Variants in FBXO32 observed in about 807,000 individuals in gnomAD.
FBXO32 encodes F-box protein 32, also known as F-box only protein 32.
FBXO32 carries 15 observed loss-of-function variants against 48.3 expected under a neutral mutation model. The ratio of observed to expected loss-of-function variants is 0.31; its 90% CI spans 0.21 to 0.48. The LOEUF is 0.48. Among genes scored for constraint, FBXO32 ranks in the 20% least tolerant of loss-of-function variants. FBXO32 has a pLI of 0.99. For synonymous variants in FBXO32, 154 were observed against 165.9 expected, an observed-to-expected ratio of 0.93 and a Z score of 0.55; for missense variants, 309 against 432.7, an observed-to-expected ratio of 0.71 and a Z score of 2.54.
chr8:123,530,055 A>T (rs941721711), intron 4 of FBXO32, among the ~76,000 whole-genome samples: 3 of 152,178 alleles, frequency 2.0e-5, no homozygotes, highest in African/African-American at 7.2e-5. Context: ...GGACTAGGTG[A>T]CCTCCGTGAA....
chr8:123,514,209 A>C (rs749519827), intron 5 of FBXO32, 31 bp downstream of exon 5: 5 of 1,569,224 alleles, frequency 3.2e-6, no homozygotes, highest in Non-Finnish European at 4.4e-6. Context: ...CATGCCTATA[A>C]AAAGGGGCGA....
In FBXO32 at chr8:123,524,029, A is replaced by C. The variant is rs73330081; in HGVS notation, c.372+7869T>G. On this transcript the variant is annotated intron_variant, in intron 4 of 8. Coordinates refer to ENST00000517956, the MANE Select transcript of FBXO32 (RefSeq NM_058229.4). ...ATCTTTTAGAGGTATATGAGTTATAAGTGAATTTATGAATATGCATAAATT... is the reference window on the plus strand; with the variant it reads ...ATCTTTTAGAGGTATATGAGTTATACGTGAATTTATGAATATGCATAAATT... 8.8e-3 allele frequency among the ~76,000 whole-genome samples: 1,336 copies of C among 152,336 alleles called. 22 individuals are homozygous for C. The highest frequency in any genetic ancestry group is 0.031 in the African/African-American group (1,276 of 41,580).
Position 123,499,560 on chromosome 8 carries a change from C to A in FBXO32, c.*3813G>T, listed in dbSNP as rs1026960001. On this transcript the variant is annotated 3_prime_UTR_variant, in exon 9 of 9. Coordinates refer to ENST00000517956, the MANE Select transcript of FBXO32 (RefSeq NM_058229.4). ...AAAATTACAGTTAAAAAAATTCACA[C>A]ATAAAATAGAGTGTTTGCATAGCAA... 4 of 151,824 alleles carry A rather than the reference C, an allele frequency of 2.6e-5. No homozygotes were observed. The highest frequency in any genetic ancestry group is 4.4e-5 in the Non-Finnish European group (3 of 67,968). The allele number at this position is 151,824 out of a possible 1,614,324, so 9.4% of individuals were successfully genotyped here. A position where few individuals can be genotyped will look rare whatever the true frequency, so the allele number is the denominator to read the frequency against.
rs369209370 is a variant in FBXO32 at position 123,506,510 on chromosome 8, C to T, written c.716G>A (p.Arg239Lys). Reference sequence around the variant, plus strand: ...GACCAGGTCCCGCCCGTCGCTCAGCCTCTGCATGATGTTCAGTTGTAGGCA... The same window carrying T: ...GACCAGGTCCCGCCCGTCGCTCAGCTTCTGCATGATGTTCAGTTGTAGGCA... Reference protein sequence around the residue: ...PLCLQLNIMQRLSDGRDLVSL... With the variant: ...PLCLQLNIMQKLSDGRDLVSL... Residue 239 changes from arginine to lysine, a missense_variant, in exon 7 of 9, where the codon AGG becomes AAG. By Grantham distance (26) the Arg-to-Lys change is conservative (BLOSUM62 2). Coordinates refer to ENST00000517956, the MANE Select transcript of FBXO32 (RefSeq NM_058229.4). The surrounding 1 kb of genome is among the most constrained non-coding windows in gnomAD (Gnocchi z 4.0). 3 of 1,613,764 alleles carry T rather than the reference C, an allele frequency of 1.9e-6. No individual in the cohort carries two copies. The highest frequency in any genetic ancestry group is 2.5e-6 in the Non-Finnish European group (3 of 1,179,830).
intron 6 of FBXO32, among the ~76,000 whole-genome samples, chr8:123,512,287 G>A (rs1351928398): frequency 6.6e-6 from 1 of 152,130 alleles, no homozygotes; most frequent in Non-Finnish European, 1.5e-5. Context: ...TACCAGTAAA[G>A]TCAGGAACAT....
At chr8:123,514,065 G>T (rs780747277) in intron 5 of FBXO32, 175 bp downstream of exon 5, 2 of 540,814 alleles carry the variant, frequency 3.7e-6, no homozygotes, top group Non-Finnish European at 6.5e-6. Flanking sequence ...TTGCCATGAG[G>T]ATGAGTTGTA....
At chr8:123,534,537 C>T (rs1400094223) in intron 2 of FBXO32, among the ~76,000 whole-genome samples, 165 bp downstream of exon 2, 3 of 152,214 alleles carry the variant, frequency 2.0e-5, no homozygotes, top group Non-Finnish European at 4.4e-5. Context: ...GTAAAATGCA[C>T]AGCCAGGTTT....
rs776610112 is a variant in FBXO32 at position 123,499,651 on chromosome 8, G to A, written c.*3722C>T. The A allele has an allele frequency of 6.6e-6, 1 of 152,164 alleles. No individual in the cohort carries two copies. Among genetic ancestry groups the A allele is most frequent in the Non-Finnish European group, 1.5e-5 (1 of 68,036 alleles). The allele number at this position is 152,164 out of a possible 1,614,324, so 9.4% of individuals were successfully genotyped here. ...AGGTGTATATTTTATAATAAACATT[G>A]TATTGAATGCTAAGAATGATACACT... On this transcript the variant is annotated 3_prime_UTR_variant, in exon 9 of 9. Transcript: ENST00000517956.
Position 123,531,882 on chromosome 8 carries a change from G to A in FBXO32, c.372+16C>T. On this transcript the variant is annotated intron_variant, in intron 4 of 8. Transcript: ENST00000517956. ...GGGAAAGAGCCTGGATGAGCCTTTA[G>A]GCACTTGAGACTTACCCGGACCACG... 1 of 1,613,610 alleles carries A rather than the reference G, an allele frequency of 6.2e-7. No individual in the cohort carries two copies. Among genetic ancestry groups the A allele is most frequent in the Non-Finnish European group, 8.5e-7 (1 of 1,179,822 alleles).
At chr8:123,537,087 T>C (rs1443082416) in intron 1 of FBXO32, among the ~76,000 whole-genome samples, 1 of 152,220 alleles carries the variant, frequency 6.6e-6, no homozygotes, top group African/African-American at 2.4e-5. Context: ...TGCCTACTTA[T>C]AAGTTTTCTT....
intron 4 of FBXO32, among the ~76,000 whole-genome samples, chr8:123,530,813 T>C (rs907701533): frequency 1.3e-5 from 2 of 150,644 alleles, no homozygotes; most frequent in African/African-American, 4.9e-5. Context: ...GAGACGGGGT[T>C]TCACTATGTT....
chr8:123,540,289 C>T lies in FBXO32; in HGVS notation c.116+610G>A, dbSNP rs1021273628. Among the ~76,000 whole-genome samples the T allele has an allele frequency of 6.6e-6, 1 of 152,200 alleles. No homozygotes were observed. Among genetic ancestry groups the T allele is most frequent in the Non-Finnish European group, 1.5e-5 (1 of 68,024 alleles). ...TCCCTCCTTTGCACCTCTGCAGCCCCAAGCCTCCACCGCTCGCAAGTCCGC... is the reference window on the plus strand; with the variant it reads ...TCCCTCCTTTGCACCTCTGCAGCCCTAAGCCTCCACCGCTCGCAAGTCCGC... On this transcript the variant is annotated intron_variant, in intron 1 of 8. Coordinates refer to ENST00000517956, the MANE Select transcript of FBXO32 (RefSeq NM_058229.4). The surrounding 1 kb of genome is among the most constrained non-coding windows in gnomAD (Gnocchi z 6.4).
chr8:123,514,349 G>C lies in FBXO32; in HGVS notation c.373-16C>G. On this transcript the variant is annotated splice_polypyrimidine_tract_variant and intron_variant, in intron 4 of 8. Transcript: ENST00000517956. ...GCTCCAACAGCTGAGGATAAAAATA[G>C]AAGTTGCCAGGCTTAGAGTACAGAG... 4.4e-6 allele frequency: 7 copies of C among 1,603,746 alleles called. No individual in the cohort carries two copies. Among genetic ancestry groups the C allele is most frequent in the Non-Finnish European group, 6.0e-6 (7 of 1,173,972 alleles).
intron 4 of FBXO32, among the ~76,000 whole-genome samples, chr8:123,520,663 T>C (rs965539595): frequency 3.3e-5 from 5 of 152,192 alleles, no homozygotes; most frequent in Non-Finnish European, 7.3e-5. Flanking sequence ...ATCTCACTGC[T>C]CTCGTATCAA....
intron 7 of FBXO32, among the ~76,000 whole-genome samples, chr8:123,505,823 A>G (rs1203926318): frequency 6.6e-6 from 1 of 152,240 alleles, no homozygotes; most frequent in African/African-American, 2.4e-5. Flanking sequence ...GTGCCAATTT[A>G]TGATTTTTTT....
At chr8:123,504,583 A>G in intron 8 of FBXO32, 21 bp downstream of exon 8, 1 of 1,605,564 alleles carries the variant, frequency 6.2e-7, no homozygotes, top group Non-Finnish European at 8.5e-7. Flanking sequence ...GGTCTGTGGC[A>G]GCCACCTCTG....
chr8:123,534,627 ATT>A (rs1320744140), intron 2 of FBXO32, 73 bp downstream of exon 2: 1 of 918,104 alleles, frequency 1.1e-6, no homozygotes, highest in Non-Finnish European at 1.8e-6. Context: ...GGGAGGTGTT[ATT>A]TTTTTTCATC....
In FBXO32 at chr8:123,540,195, G is replaced by A. The variant is rs1817384246; in HGVS notation, c.116+704C>T. On this transcript the variant is annotated intron_variant, in intron 1 of 8. Coordinates refer to ENST00000517956, the MANE Select transcript of FBXO32 (RefSeq NM_058229.4). The surrounding 1 kb of genome is among the most constrained non-coding windows in gnomAD (Gnocchi z 6.4). ...AAGCAGACCGACCGAGAGGGCCACCGAGGAAACAGGTGCAAGAGCCCTGTC... is the reference window on the plus strand; with the variant it reads ...AAGCAGACCGACCGAGAGGGCCACCAAGGAAACAGGTGCAAGAGCCCTGTC... 6.6e-6 allele frequency among the ~76,000 whole-genome samples: 1 copy of A among 152,060 alleles called. No homozygotes were observed. The highest frequency in any genetic ancestry group is 2.4e-5 in the African/African-American group (1 of 41,404).
At chr8:123,504,815 G>A in intron 7 of FBXO32, 68 bp from the exon 8 acceptor site, 1 of 1,514,656 alleles carries the variant, frequency 6.6e-7, no homozygotes, top group Non-Finnish European at 9.0e-7. Context: ...TGGTTTTCCG[G>A]TTCTGAAAAG....
Sources: gnomAD v4.1 joint callset for allele counts (sites outside exome capture counted in the v4.1 genomes callset) on GRCh38, gnomAD v4.1.1 for gene constraint, Gnocchi (gnomAD v3.1) non-coding constraint, MANE v1.5 for transcripts, NCBI Gene and HGNC (gene_info 2026-07-23, HGNC 2026-07-21) for gene names.